PTPRA: variants seen among roughly 807,000 people sequenced by gnomAD.
The protein encoded by PTPRA is protein tyrosine phosphatase receptor type A.
A neutral mutation model predicts 104.8 loss-of-function variants in PTPRA; 25 were observed. That is an observed-to-expected ratio of 0.24 (90% CI 0.17 to 0.33). PTPRA has a LOEUF of 0.33. PTPRA is among the 10% of genes least tolerant of loss of function. The pLI, the probability that PTPRA is intolerant of heterozygous loss-of-function variation, is 1.00. For synonymous variants in PTPRA, 323 were observed against 368.9 expected (o/e 0.88, Z 1.43); for missense variants, 765 against 1,015.3 (o/e 0.75, Z 3.35).
chr20:2,994,596 T>C (rs1404159366), intron 9 of PTPRA, among the ~76,000 whole-genome samples: 2 of 152,172 alleles, frequency 1.3e-5, no homozygotes, highest in Non-Finnish European at 2.9e-5. Context: ...GTGATGTGGA[T>C]CCCATCAAGG....
At chr20:2,901,589 G>A (rs965792472) in intron 1 of PTPRA, among the ~76,000 whole-genome samples, 1 of 152,090 alleles carries the variant, frequency 6.6e-6, no homozygotes, top group Admixed American at 6.5e-5. Flanking sequence ...TAGAAATGCA[G>A]CTGAGATGAA....
At chr20:2,954,918 T>C (rs775674396) in intron 3 of PTPRA, among the ~76,000 whole-genome samples, 3 of 152,230 alleles carry the variant, frequency 2.0e-5, no homozygotes, top group African/African-American at 7.2e-5. Flanking sequence ...CGTGTAGATA[T>C]ACAGTTTTCT....
intron 3 of PTPRA, among the ~76,000 whole-genome samples, chr20:2,960,505 T>A (rs1220349545): frequency 1.3e-5 from 2 of 151,918 alleles, no homozygotes; most frequent in East Asian, 1.9e-4. Context: ...CACCTCGGCC[T>A]CCCAAAGCTG....
At chr20:2,918,665 A>G (rs2059996291) in intron 1 of PTPRA, among the ~76,000 whole-genome samples, 1 of 152,244 alleles carries the variant, frequency 6.6e-6, no homozygotes, top group Non-Finnish European at 1.5e-5. Flanking sequence ...TGCACATTGC[A>G]CCATACTTAG....
intron 2 of PTPRA, among the ~76,000 whole-genome samples, chr20:2,933,548 C>T (rs1467497340): frequency 2.0e-5 from 3 of 152,000 alleles, no homozygotes; most frequent in African/African-American, 7.3e-5. Flanking sequence ...GCAACCTCCA[C>T]CTTCTGGGGT....
chr20:3,019,273 C>T (rs1418973113), intron 13 of PTPRA, among the ~76,000 whole-genome samples: 29 of 150,864 alleles, frequency 1.9e-4, no homozygotes, highest in Admixed American at 1.5e-3. Flanking sequence ...ACCTCCCTCC[C>T]GGACGAGGTG....
Position 3,022,943 on chromosome 20 carries a change from G to C in PTPRA, c.1464+119G>C. On this transcript the variant is annotated intron_variant, in intron 16 of 23. Transcript: ENST00000399903. This position sits in a 1 kb window ranked among gnomAD's most constrained non-coding sequence, Gnocchi z 4.6. ...AATGATTACTATAGAGTGTGATTGT[G>C]GGGGAAAGAAAGATAGATCACACTG... 1 of 1,460,708 alleles carries C rather than the reference G, an allele frequency of 6.8e-7. No homozygotes were observed. The highest frequency in any genetic ancestry group is 9.2e-7 in the Non-Finnish European group (1 of 1,083,752). The allele number at this position is 1,460,708 out of a possible 1,614,324, so 90.5% of individuals were successfully genotyped here.
chr20:2,905,593 T>A (rs2059393822), intron 1 of PTPRA, among the ~76,000 whole-genome samples: 1 of 151,708 alleles, frequency 6.6e-6, no homozygotes, highest in South Asian at 2.1e-4. Flanking sequence ...ACAAATTGGA[T>A]AAATACAAAT....
intron 1 of PTPRA, among the ~76,000 whole-genome samples, chr20:2,884,103 A>G (rs1016206366): frequency 1.3e-5 from 2 of 152,176 alleles, no homozygotes; most frequent in African/African-American, 4.8e-5. Flanking sequence ...ATAATAATCC[A>G]TTATATTGAT....
At position 3,017,833 on chromosome 20, in the gene PTPRA, G is replaced by A; in HGVS notation, c.961G>A (p.Val321Met). The A allele has an allele frequency of 6.2e-7, 1 of 1,614,210 alleles. No individual in the cohort carries two copies. Among genetic ancestry groups the A allele is most frequent in the Non-Finnish European group, 8.5e-7 (1 of 1,180,028 alleles). The change falls in exon 13 of 24, where the codon GTG becomes ATG. Residue 321 changes from valine to methionine, a missense_variant. Physicochemically the swap from Val to Met is conservative, Grantham distance 21. This residue lies in a region of PTPRA where 245 missense variants were observed against 398.7 expected (regional missense o/e 0.61). Coordinates refer to ENST00000399903, the MANE Select transcript of PTPRA (RefSeq NM_001385305.1). ...IAAQGPKEET[V>M]NDFWRMIWEQ... ...TACTTTAGGACCAAAAGAAGAAACG[G>A]TGAATGATTTCTGGCGGATGATCTG...
In PTPRA at chr20:3,021,358, A is replaced by T; in HGVS notation, c.1091A>T (p.Asn364Ile). The change falls in exon 14 of 24, where the codon AAT becomes ATT. Residue 364 changes from asparagine (N) to isoleucine (I), a missense_variant. By Grantham distance (149) the Asn-to-Ile change is moderately radical (BLOSUM62 -3). Around this residue, in one of 4 missense-constraint regions of PTPRA, gnomAD observed 245 missense variants for 398.7 expected, o/e 0.61. Transcript: ENST00000399903. ...GACCAAGGCTGCTGGACCTATGGGA[A>T]TATTCGGGTGTCTGTAGAGGATGTG... ...WPDQGCWTYG[N>I]IRVSVEDVTV... 1 of 1,614,056 alleles carries T rather than the reference A, an allele frequency of 6.2e-7. No individual in the cohort carries two copies. Among genetic ancestry groups the T allele is most frequent in the Non-Finnish European group, 8.5e-7 (1 of 1,179,944 alleles).
At chr20:2,990,657 C>T (rs899036158) in intron 9 of PTPRA, among the ~76,000 whole-genome samples, 6 of 152,090 alleles carry the variant, frequency 3.9e-5, no homozygotes, top group East Asian at 1.9e-4. Context: ...CTTGAGCCTG[C>T]GGGGTGGAGG....
chr20:2,997,159 G>C (rs1298458948), intron 9 of PTPRA, among the ~76,000 whole-genome samples: 1 of 151,162 alleles, frequency 6.6e-6, no homozygotes, highest in Non-Finnish European at 1.5e-5. Flanking sequence ...TTTCATTTTT[G>C]TTTTCAAAAA....
At chr20:3,015,123 C>T (rs138930658) in intron 11 of PTPRA, among the ~76,000 whole-genome samples, 1 of 152,150 alleles carries the variant, frequency 6.6e-6, no homozygotes, top group Non-Finnish European at 1.5e-5. Flanking sequence ...AGAAAATAAC[C>T]TGTTTTCTTT....
chr20:2,966,988 C>T (rs1170904919), intron 5 of PTPRA, among the ~76,000 whole-genome samples: 2 of 152,192 alleles, frequency 1.3e-5, no homozygotes, highest in Non-Finnish European at 2.9e-5. Context: ...GTAACACAGG[C>T]CTGACTGACT....
intron 2 of PTPRA, among the ~76,000 whole-genome samples, chr20:2,945,473 A>G (rs1375837849): frequency 6.6e-6 from 1 of 152,000 alleles, no homozygotes. Context: ...TTCACTACCT[A>G]ATATACCTAT....
intron 1 of PTPRA, among the ~76,000 whole-genome samples, chr20:2,910,716 C>G (rs1156595113): frequency 6.8e-6 from 1 of 147,456 alleles, no homozygotes; most frequent in Non-Finnish European, 1.5e-5. Flanking sequence ...ACACCATTCT[C>G]CTGCCTCAGC....
intron 9 of PTPRA, among the ~76,000 whole-genome samples, chr20:3,002,140 C>T (rs551435672): frequency 3.4e-5 from 5 of 145,634 alleles, no homozygotes; most frequent in African/African-American, 1.3e-4. Flanking sequence ...ACCCTGTCTC[C>T]AAAAAAAAAC....
chr20:2,897,360 T>C (rs2059040630), intron 1 of PTPRA, among the ~76,000 whole-genome samples: 1 of 151,972 alleles, frequency 6.6e-6, no homozygotes, highest in Non-Finnish European at 1.5e-5. Flanking sequence ...TCATTATTTC[T>C]TCTGAATTCA....
Sources: allele counts gnomAD v4.1 joint callset (sites outside exome capture counted in the v4.1 genomes callset), GRCh38; gene constraint gnomAD v4.1.1; regional missense constraint gnomAD v4.1.1; non-coding constraint Gnocchi (gnomAD v3.1); transcripts MANE v1.5; gene names NCBI Gene and HGNC (gene_info 2026-07-23, HGNC 2026-07-21).